The following KCNQ1 variants were observed in gnomAD, a reference collection of about 807,000 sequenced individuals.
KCNQ1 encodes the protein potassium voltage-gated channel subfamily Q member 1, also known as potassium voltage-gated channel subfamily KQT member 1.
KCNQ1 carries 49 observed loss-of-function variants against 72.4 expected under a neutral mutation model. The observed-to-expected ratio is 0.68, with a 90% confidence interval of 0.54 to 0.86. KCNQ1 has a LOEUF of 0.86. Among genes scored for constraint, KCNQ1 ranks in the 40% least tolerant of loss-of-function variants. The pLI is 0.00. For synonymous variants in KCNQ1, 450 were observed against 412.6 expected, an observed-to-expected ratio of 1.09 and a Z score of -1.10; for missense variants, 790 against 945.1, an observed-to-expected ratio of 0.84 and a Z score of 2.15.
chr11:2,729,260 C>T (rs538325276), intron 11 of KCNQ1, among the ~76,000 whole-genome samples: 11 of 152,386 alleles, frequency 7.2e-5, no homozygotes, highest in East Asian at 1.9e-4. Flanking sequence ...GCTGCGGGCT[C>T]GAGTGACTGC....
chr11:2,635,196 T>C (rs1849441495), intron 10 of KCNQ1: 1 of 152,202 alleles, frequency 6.6e-6, no homozygotes, highest in South Asian at 2.1e-4. Flanking sequence ...TTAGATCCCA[T>C]TTGTCAATTT....
intron 1 of KCNQ1, among the ~76,000 whole-genome samples, chr11:2,522,830 G>A (rs957236546): frequency 1.1e-4 from 17 of 152,194 alleles, no homozygotes; most frequent in Non-Finnish European, 1.6e-4. Flanking sequence ...TCCACTGCAC[G>A]GGACTTTCCC....
rs1848269966 is a variant in KCNQ1, at chr11:2,567,933, C to T, written c.478-2695C>T. On this transcript the variant is annotated intron_variant, in intron 2 of 15. Coordinates refer to ENST00000155840, the MANE Select transcript of KCNQ1 (RefSeq NM_000218.3). The surrounding 1 kb of genome is among the most constrained non-coding windows in gnomAD (Gnocchi z 6.6). ...GACACACCTATCATTTCAGACCTGC[C>T]TAGGACATGCCTGGAGAAGGTATTT... 6.6e-6 allele frequency among the ~76,000 whole-genome samples: 1 copy of T among 152,204 alleles called. No homozygotes were observed. The highest frequency in any genetic ancestry group is 1.5e-5 in the Non-Finnish European group (1 of 68,034).
rs1847424131 is a variant in KCNQ1, at chr11:2,808,580, G to A, written c.1794+30543G>A. On this transcript the variant is annotated intron_variant, in intron 15 of 15. Coordinates refer to ENST00000155840, the MANE Select transcript of KCNQ1 (RefSeq NM_000218.3). This position sits in a 1 kb window ranked among gnomAD's most constrained non-coding sequence, Gnocchi z 6.0. ...TAATTTTTTAAATGGGAGTCCTCAG[G>A]TAGGTTGGTTGATTGAGTGATTGAT... is the stretch of plus-strand genomic sequence containing the variant. 6.6e-6 allele frequency among the ~76,000 whole-genome samples: 1 copy of A among 152,176 alleles called. No homozygotes were observed. Among genetic ancestry groups the A allele is most frequent in the Admixed American group, 6.5e-5 (1 of 15,276 alleles).
At chr11:2,800,331 G>A (rs571140973) in intron 15 of KCNQ1, among the ~76,000 whole-genome samples, 2 of 152,226 alleles carry the variant, frequency 1.3e-5, no homozygotes, top group African/African-American at 4.8e-5. Context: ...CTTCCTACTG[G>A]GCAGAGGCTA....
At chr11:2,500,816 T>C (rs2133643058) in intron 1 of KCNQ1, among the ~76,000 whole-genome samples, 1 of 128,174 alleles carries the variant, frequency 7.8e-6, no homozygotes, top group Admixed American at 1.0e-4. Context: ...TAAGCGGGAG[T>C]TGAACAAGGA....
intron 10 of KCNQ1, chr11:2,644,823 A>G: frequency 2.5e-6 from 1 of 398,672 alleles, no homozygotes; most frequent in Middle Eastern, 6.3e-4. Context: ...AAACAGCACC[A>G]GTAGTGTCTG....
At chr11:2,469,464 G>C (rs1321267231) in intron 1 of KCNQ1, among the ~76,000 whole-genome samples, 1 of 151,854 alleles carries the variant, frequency 6.6e-6, no homozygotes. Flanking sequence ...GTAGAGACAG[G>C]GTTTCACCAC....
Position 2,816,052 on chromosome 11 carries a change from C to T in KCNQ1, c.1795-31715C>T, listed in dbSNP as rs530308997. Among the ~76,000 whole-genome samples, 58 of 152,244 alleles carry T rather than the reference C, an allele frequency of 3.8e-4. No individual in the cohort carries two copies. The highest frequency in any genetic ancestry group is 5.4e-4 in the Non-Finnish European group (37 of 68,028). ...GAGGGCTCCGTTAGATGAATGTGGA[C>T]GGCTGGCGGCCGGGGCTTGGGAGAT... On this transcript the variant is annotated intron_variant, in intron 15 of 15. Coordinates refer to ENST00000155840, the MANE Select transcript of KCNQ1 (RefSeq NM_000218.3). This position sits in a 1 kb window ranked among gnomAD's most constrained non-coding sequence, Gnocchi z 6.8.
At position 2,545,418 on chromosome 11, in the gene KCNQ1, T is replaced by A. The variant is rs189430473; in HGVS notation, c.477+17400T>A. Among the ~76,000 whole-genome samples the A allele has an allele frequency of 1.2e-4, 18 of 152,320 alleles. No individual in the cohort carries two copies. The East Asian group carries it at 2.9e-3, about 24-fold the overall frequency. ...TTAGGTAGGCCTGGACTTTGCTTGA[T>A]GAGAAGATTGTTAACTAGATTTTAA... is the stretch of plus-strand genomic sequence containing the variant. On this transcript the variant is annotated intron_variant, in intron 2 of 15. Coordinates refer to ENST00000155840, the MANE Select transcript of KCNQ1 (RefSeq NM_000218.3).
chr11:2,792,356 G>C (rs1340367519), intron 15 of KCNQ1, among the ~76,000 whole-genome samples: 1 of 152,200 alleles, frequency 6.6e-6, no homozygotes, highest in African/African-American at 2.4e-5. Context: ...GAGTGGATGG[G>C]GTGTGTGCCC....
intron 11 of KCNQ1, among the ~76,000 whole-genome samples, chr11:2,761,989 T>C (rs1206929951): frequency 6.6e-6 from 1 of 152,208 alleles, no homozygotes; most frequent in Non-Finnish European, 1.5e-5. Context: ...TCACTGGATG[T>C]GGGGCCGCAT....
intron 1 of KCNQ1, among the ~76,000 whole-genome samples, chr11:2,512,819 C>A (rs1288402921): frequency 6.6e-6 from 1 of 152,196 alleles, no homozygotes; most frequent in Non-Finnish European, 1.5e-5. Context: ...GAGGAGGCAC[C>A]CCTAGCCGTG....
At chr11:2,656,663 A>G in intron 10 of KCNQ1, 1 of 397,884 alleles carries the variant, frequency 2.5e-6, no homozygotes, top group Non-Finnish European at 4.4e-6. Context: ...AGTCCTTTGC[A>G]TTTTGTGGGC....
rs934876129 is a variant in KCNQ1, at chr11:2,597,200, T to C, written c.1393+8346T>C. Reference sequence around the variant, plus strand: ...AGAGTTTGATAACACTCTATGGGTATGTGTACATGGAAACTCTCAGTCTCA... The same window carrying C: ...AGAGTTTGATAACACTCTATGGGTACGTGTACATGGAAACTCTCAGTCTCA... On this transcript the variant is annotated intron_variant, in intron 10 of 15. Coordinates refer to ENST00000155840, the MANE Select transcript of KCNQ1 (RefSeq NM_000218.3). Among the ~76,000 whole-genome samples, 3 of 152,204 alleles carry C rather than the reference T, an allele frequency of 2.0e-5. No homozygotes were observed. In the South Asian group the frequency reaches 6.2e-4, roughly 31 times the overall value.
Position 2,550,760 on chromosome 11 carries a change from G to T in KCNQ1, c.478-19868G>T, listed in dbSNP as rs903629546. ...CAGCACCAGGCTCAGCCCAGGACCAGAGCGCAAATAGGGCTGGAGTCCCGA... is the reference window on the plus strand; with the variant it reads ...CAGCACCAGGCTCAGCCCAGGACCATAGCGCAAATAGGGCTGGAGTCCCGA... On this transcript the variant is annotated intron_variant, in intron 2 of 15. Transcript: ENST00000155840. The surrounding 1 kb of genome is among the most constrained non-coding windows in gnomAD (Gnocchi z 6.0). Among the ~76,000 whole-genome samples, 2 of 152,172 alleles carry T rather than the reference G, an allele frequency of 1.3e-5. No homozygotes were observed. Among genetic ancestry groups the T allele is most frequent in the Non-Finnish European group, 2.9e-5 (2 of 68,022 alleles).
chr11:2,674,831 TTA>T lies in KCNQ1; in HGVS notation c.1514+12751_1514+12752del, dbSNP rs1491165784. The T allele has an allele frequency of 4.2e-3, 1,528 of 367,056 alleles. 26 individuals are homozygous for T. The highest frequency in any genetic ancestry group is 0.018 in the Admixed American group (359 of 19,726). The allele number at this position is 367,056 out of a possible 1,614,324, so 22.7% of individuals were successfully genotyped here. ...GGCTTGTCACCCTAATAGCTGTTTTTTAAAAAAAAAAAAAAAAAAAAAAAAAA... is the reference window on the plus strand; with the variant it reads ...GGCTTGTCACCCTAATAGCTGTTTTTAAAAAAAAAAAAAAAAAAAAAAAAA... On this transcript the variant is annotated intron_variant, in intron 11 of 15. Coordinates refer to ENST00000155840, the MANE Select transcript of KCNQ1 (RefSeq NM_000218.3). The surrounding 1 kb of genome is among the most constrained non-coding windows in gnomAD (Gnocchi z 5.9).
Position 2,462,730 on chromosome 11 carries a change from G to A in KCNQ1, c.386+17246G>A, listed in dbSNP as rs965706184. 6.6e-6 allele frequency among the ~76,000 whole-genome samples: 1 copy of A among 152,078 alleles called. No homozygotes were observed. The highest frequency in any genetic ancestry group is 1.5e-5 in the Non-Finnish European group (1 of 68,010). On this transcript the variant is annotated intron_variant, in intron 1 of 15. Coordinates refer to ENST00000155840, the MANE Select transcript of KCNQ1 (RefSeq NM_000218.3). The surrounding 1 kb of genome is among the most constrained non-coding windows in gnomAD (Gnocchi z 8.2). ...AGGGGGCGGTGGAGTGAAGGGGAGG[G>A]TGGGCGCTGCTGGCAAGAACCACAG...
At chr11:2,560,048 A>G (rs997451064) in intron 2 of KCNQ1, among the ~76,000 whole-genome samples, 2 of 142,798 alleles carry the variant, frequency 1.4e-5, no homozygotes, top group African/African-American at 5.3e-5. Context: ...GGGAGGGGGT[A>G]CCGCCAGCCT....
Sources: gnomAD v4.1 joint callset for allele counts (sites outside exome capture counted in the v4.1 genomes callset) on GRCh38, gnomAD v4.1.1 for gene constraint, Gnocchi (gnomAD v3.1) non-coding constraint, MANE v1.5 for transcripts, NCBI Gene and HGNC (gene_info 2026-07-23, HGNC 2026-07-21) for gene names.